The following CNOT2 variants were observed in gnomAD, a reference collection of about 807,000 sequenced individuals.
CNOT2 encodes CC chemokine receptor 4-negative regulator of transcription 2.
CNOT2 carries 7 observed loss-of-function variants against 72.1 expected under a neutral mutation model. The observed-to-expected ratio is 0.10, with a 90% CI of 0.06 to 0.18. The LOEUF is 0.18. Ranked by LOEUF, CNOT2 falls within the 10% of genes least tolerant of loss-of-function variation. The pLI is 1.00. For synonymous variants in CNOT2, 196 were observed against 225.6 expected, an observed-to-expected ratio of 0.87 and a Z score of 1.17; for missense variants, 345 against 660.3, an observed-to-expected ratio of 0.52 and a Z score of 5.23.
chr12:70,290,958 A>G (rs1385520174), intron 2 of CNOT2, among the ~76,000 whole-genome samples: 1 of 152,214 alleles, frequency 6.6e-6, no homozygotes, highest in Non-Finnish European at 1.5e-5. Context: ...TACAGTGTGC[A>G]ATATACACAA....
At chr12:70,274,527 A>G (rs1427992353) in intron 1 of CNOT2, among the ~76,000 whole-genome samples, 1 of 152,050 alleles carries the variant, frequency 6.6e-6, no homozygotes, top group African/African-American at 2.4e-5. Context: ...AATTACAGAT[A>G]TTTTAGATAC....
intron 1 of CNOT2, among the ~76,000 whole-genome samples, chr12:70,268,951 T>C (rs746608484): frequency 6.6e-6 from 1 of 152,218 alleles, no homozygotes; most frequent in Non-Finnish European, 1.5e-5. Context: ...TGGCATCTTA[T>C]GCTGCAACAT....
At chr12:70,298,411 G>A (rs1873206732) in intron 2 of CNOT2, among the ~76,000 whole-genome samples, 1 of 152,150 alleles carries the variant, frequency 6.6e-6, no homozygotes, top group Non-Finnish European at 1.5e-5. Context: ...GGGGACTCCA[G>A]CAAATTGGTC....
chr12:70,259,803 A>AT (rs1250619651), intron 1 of CNOT2, among the ~76,000 whole-genome samples: 1 of 152,210 alleles, frequency 6.6e-6, no homozygotes, highest in African/African-American at 2.4e-5. Context: ...CTTTATCATG[A>AT]GACTGCTAAA....
intron 2 of CNOT2, among the ~76,000 whole-genome samples, chr12:70,303,668 CT>C (rs1026737041): frequency 3.3e-5 from 5 of 152,166 alleles, no homozygotes; most frequent in African/African-American, 1.2e-4. Flanking sequence ...TTCATTTCAA[CT>C]TTGGTGAATC....
At position 70,353,870 on chromosome 12, in the gene CNOT2, C is replaced by T; in HGVS notation, c.1578C>T (p.His526=). ...LEYDKLEERP[H]LPSTFNYNPA... The stretch of plus-strand genomic sequence containing the variant: ...ATGACAAATTAGAAGAACGGCCTCA[C>T]CTGCCATCCACCTTCAACTACAACC... The change falls in exon 16 of 16, where the codon CAC becomes CAT. Residue 526 remains histidine (H), a synonymous_variant. Transcript: ENST00000229195. The T allele has an allele frequency of 6.2e-7, 1 of 1,608,322 alleles. No homozygotes were observed. Among genetic ancestry groups the T allele is most frequent in the Non-Finnish European group, 8.5e-7 (1 of 1,178,438 alleles).
At chr12:70,328,795 A>G (rs865906211) in intron 4 of CNOT2, among the ~76,000 whole-genome samples, 29 of 151,136 alleles carry the variant, frequency 1.9e-4, no homozygotes, top group Middle Eastern at 3.5e-3. Context: ...ATACAGGGGC[A>G]TTATATTTTG....
chr12:70,331,346 C>T (rs1565820210), intron 6 of CNOT2: 1 of 151,762 alleles, frequency 6.6e-6, no homozygotes, highest in African/African-American at 2.4e-5. Flanking sequence ...TTTTACTGCT[C>T]TTTTAAATTT....
At chr12:70,346,019 C>A (rs117304604) in intron 14 of CNOT2, 161 bp from the exon 15 acceptor site, 1 of 529,222 alleles carries the variant, frequency 1.9e-6, no homozygotes, top group South Asian at 3.1e-5. Flanking sequence ...TATTTCAATG[C>A]GGTTGTATTT....
intron 1 of CNOT2, among the ~76,000 whole-genome samples, chr12:70,245,762 C>G (rs537329419): frequency 1.3e-5 from 2 of 152,226 alleles, no homozygotes; most frequent in South Asian, 4.1e-4. Context: ...CAGAATGATA[C>G]AACTTCCCAT....
intron 15 of CNOT2, 180 bp downstream of exon 15, chr12:70,346,504 C>G (rs761895191): frequency 7.4e-5 from 33 of 447,972 alleles, no homozygotes; most frequent in Middle Eastern, 1.0e-3. Flanking sequence ...CAATTGGTTT[C>G]ACTGATAGTT....
At chr12:70,335,396 T>C in intron 7 of CNOT2, 42 bp from the exon 8 acceptor site, 1 of 1,450,648 alleles carries the variant, frequency 6.9e-7, no homozygotes, top group Non-Finnish European at 9.6e-7. Context: ...TCTTAAAAAA[T>C]ATTTGTAGAA....
intron 15 of CNOT2, among the ~76,000 whole-genome samples, chr12:70,350,507 C>A (rs1171367644): frequency 6.6e-6 from 1 of 152,066 alleles, no homozygotes; most frequent in Non-Finnish European, 1.5e-5. Flanking sequence ...CATTCTGATT[C>A]AAAAATCTAA....
chr12:70,253,692 TGAAA>T (rs1252269465), intron 1 of CNOT2, among the ~76,000 whole-genome samples: 1 of 152,074 alleles, frequency 6.6e-6, no homozygotes, highest in Non-Finnish European at 1.5e-5. Context: ...ACTCAGATAA[TGAAA>T]GAAAAAGTGT....
rs748639676 is a variant in CNOT2 at position 70,294,172 on chromosome 12, A to G, written c.48+15898A>G. ...GGCGTCAACCCTGCTGTAATATCTC[A>G]GGGGAGCTCCTAGGGTGGGGCTGGT... On this transcript the variant is annotated intron_variant, in intron 2 of 15. Transcript: ENST00000229195. The G allele has an allele frequency of 5.4e-6, 7 of 1,289,234 alleles. No homozygotes were observed. The South Asian group carries it at 8.6e-5, about 16-fold the overall frequency. 79.9% of individuals were successfully genotyped at this position (1,289,234 alleles called of 1,614,324 possible). A position where few individuals can be genotyped will look rare whatever the true frequency, so the allele number is the denominator to read the frequency against.
chr12:70,347,246 T>C (rs1285515027), intron 15 of CNOT2, among the ~76,000 whole-genome samples: 2 of 152,148 alleles, frequency 1.3e-5, no homozygotes, highest in East Asian at 1.9e-4. Context: ...TTTACTAAAA[T>C]GATTATTTAA....
At chr12:70,293,245 C>T (rs1332233852) in intron 2 of CNOT2, among the ~76,000 whole-genome samples, 1 of 151,466 alleles carries the variant, frequency 6.6e-6, no homozygotes, top group Non-Finnish European at 1.5e-5. Flanking sequence ...AATGCACCCT[C>T]TACCTCCTGG....
At chr12:70,303,067 T>C (rs1238392725) in intron 2 of CNOT2, among the ~76,000 whole-genome samples, 3 of 152,336 alleles carry the variant, frequency 2.0e-5, no homozygotes, top group Non-Finnish European at 4.4e-5. Flanking sequence ...TCCATTTGCT[T>C]GGTAGATCTT....
chr12:70,336,062 A>T (rs1880645707), intron 8 of CNOT2: 1 of 152,658 alleles, frequency 6.6e-6, no homozygotes, highest in African/African-American at 2.4e-5. Context: ...TTTATACAGA[A>T]TGTTAAGCAA....
Sources: gnomAD v4.1 joint callset for allele counts (sites outside exome capture counted in the v4.1 genomes callset) on GRCh38, gnomAD v4.1.1 for gene constraint, MANE v1.5 for transcripts, NCBI Gene and HGNC (gene_info 2026-07-23, HGNC 2026-07-21) for gene names.